ZRANB3: variants seen among roughly 807,000 people sequenced by gnomAD.
The protein encoded by ZRANB3 is zinc finger RANBP2-type containing 3.
A neutral mutation model predicts 133.8 loss-of-function variants in ZRANB3; 125 were observed. The observed-to-expected ratio is 0.93, with a 90% CI of 0.81 to 1.08. The LOEUF is 1.08. ZRANB3 is among the 50% of genes least tolerant of loss of function. ZRANB3 has a pLI of 0.00. For synonymous variants in ZRANB3, 387 were observed against 432.7 expected (o/e 0.89, Z 1.31); for missense variants, 1,229 against 1,275.5 (o/e 0.96, Z 0.56).
intron 2 of ZRANB3, among the ~76,000 whole-genome samples, chr2:135,448,016 G>C (rs577474650): frequency 6.6e-6 from 1 of 152,286 alleles, no homozygotes; most frequent in South Asian, 2.1e-4. Flanking sequence ...AGTTGCCATA[G>C]TTTTGCCTCC....
At chr2:135,419,226 C>G (rs987516361) in intron 2 of ZRANB3, among the ~76,000 whole-genome samples, 1 of 151,772 alleles carries the variant, frequency 6.6e-6, no homozygotes, top group Admixed American at 6.6e-5. Flanking sequence ...CCTGAGCCAC[C>G]GCACCTAGGC....
At chr2:135,525,476 G>T (rs972023413) in intron 1 of ZRANB3, among the ~76,000 whole-genome samples, 1 of 152,176 alleles carries the variant, frequency 6.6e-6, no homozygotes, top group African/African-American at 2.4e-5. Context: ...CATACAAAGA[G>T]AGTGCACATG....
At chr2:135,283,363 C>A (rs2104783834) in intron 8 of ZRANB3, among the ~76,000 whole-genome samples, 1 of 152,162 alleles carries the variant, frequency 6.6e-6, no homozygotes, top group Non-Finnish European at 1.5e-5. Flanking sequence ...GTAATCCCAG[C>A]ACTTTGGGAG....
intron 12 of ZRANB3, among the ~76,000 whole-genome samples, chr2:135,232,502 T>C (rs1399627854): frequency 6.6e-6 from 1 of 152,196 alleles, no homozygotes; most frequent in Admixed American, 6.5e-5. Context: ...CCTCCTTAAG[T>C]GGGTCCCTGA....
chr2:135,498,308 C>T (rs1692774782), intron 2 of ZRANB3, among the ~76,000 whole-genome samples: 1 of 152,116 alleles, frequency 6.6e-6, no homozygotes, highest in African/African-American at 2.4e-5. Flanking sequence ...GTGAAGATTT[C>T]ATGGACATTT....
intron 8 of ZRANB3, among the ~76,000 whole-genome samples, chr2:135,285,435 C>T (rs1681309125): frequency 6.6e-6 from 1 of 152,194 alleles, no homozygotes; most frequent in Non-Finnish European, 1.5e-5. Context: ...AACTACAGAA[C>T]TGGCACAAGA....
chr2:135,308,192 T>C (rs1682793854), intron 8 of ZRANB3, among the ~76,000 whole-genome samples: 1 of 152,142 alleles, frequency 6.6e-6, no homozygotes, highest in Non-Finnish European at 1.5e-5. Flanking sequence ...TAAAGGGGTC[T>C]CTGCCTCTAC....
chr2:135,527,748 G>C (rs761203544), intron 1 of ZRANB3, among the ~76,000 whole-genome samples: 60 of 152,106 alleles, frequency 3.9e-4, no homozygotes, highest in Non-Finnish European at 8.2e-4. Flanking sequence ...GCCCACTGTT[G>C]CAAGTTTTTT....
At position 135,435,175 on chromosome 2, in the gene ZRANB3, T is replaced by C. The variant is rs527552728; in HGVS notation, c.162-44355A>G. On this transcript the variant is annotated intron_variant, in intron 2 of 20. Transcript: ENST00000264159. ...CCCTTCGAGTAGACCCCAGTGTCGA[T>C]TGTTTCCCCTTCTTTGTGTTTATAA... Among the ~76,000 whole-genome samples the C allele has an allele frequency of 4.6e-4, 70 of 152,022 alleles. 1 individual carries two copies. In the South Asian group the frequency reaches 8.8e-3, roughly 19 times the overall value.
Position 135,207,462 on chromosome 2 carries a change from G to T in ZRANB3, c.2981C>A (p.Thr994Asn). ...KSQRKNLLYATWTSKLPLEQL... is the reference protein window; with the variant it reads ...KSQRKNLLYANWTSKLPLEQL... ...TTCTAATGGGAGCTTTGAAGTCCAG[G>T]TAGCATACAGAAGATTCTTCCTCTG... is the stretch of plus-strand genomic sequence containing the variant. Residue 994 changes from threonine to asparagine, a missense_variant, in exon 19 of 21, where the codon ACC becomes AAC. Coordinates refer to ENST00000264159, the MANE Select transcript of ZRANB3 (RefSeq NM_032143.4). 6.2e-7 allele frequency: 1 copy of T among 1,613,204 alleles called. No homozygotes were observed. The highest frequency in any genetic ancestry group is 8.5e-7 in the Non-Finnish European group (1 of 1,179,506).
chr2:135,476,632 C>T (rs182934685), intron 2 of ZRANB3, among the ~76,000 whole-genome samples: 1 of 151,822 alleles, frequency 6.6e-6, no homozygotes, highest in Non-Finnish European at 1.5e-5. Context: ...AAGTTACAAA[C>T]CTCAGTTGAG....
chr2:135,395,030 A>G (rs1208039046), intron 2 of ZRANB3, among the ~76,000 whole-genome samples: 1 of 152,110 alleles, frequency 6.6e-6, no homozygotes, highest in African/African-American at 2.4e-5. Context: ...TGGGACCACA[A>G]AAGACCCAGA....
At chr2:135,386,849 G>C (rs368996104) in intron 3 of ZRANB3, among the ~76,000 whole-genome samples, 1 of 152,026 alleles carries the variant, frequency 6.6e-6, no homozygotes, top group Non-Finnish European at 1.5e-5. Context: ...TCGGGGGTGG[G>C]GCCCTGGGGG....
chr2:135,207,591 CTG>C lies in ZRANB3; in HGVS notation c.2850_2851del (p.Asn950LysfsTer9). On this transcript the variant is annotated frameshift_variant, in exon 19 of 21. Coordinates refer to ENST00000264159, the MANE Select transcript of ZRANB3 (RefSeq NM_032143.4). LOFTEE classifies it high-confidence loss of function. ...TTCAAATACTTTGGCTCTCAGGTAA[CTG>C]TTATTAGATCGAATCCAAAACTCTT... The C allele has an allele frequency of 6.2e-7, 1 of 1,614,024 alleles. No individual in the cohort carries two copies. Among genetic ancestry groups the C allele is most frequent in the Non-Finnish European group, 8.5e-7 (1 of 1,179,888 alleles).
intron 12 of ZRANB3, among the ~76,000 whole-genome samples, chr2:135,263,798 CAG>C (rs764357188): frequency 6.7e-6 from 1 of 149,756 alleles, no homozygotes; most frequent in African/African-American, 2.5e-5. Context: ...TTTTTTTAGA[CAG>C]AGTCTCACTC....
chr2:135,328,911 A>AT (rs1433643042), intron 6 of ZRANB3, among the ~76,000 whole-genome samples: 1 of 150,386 alleles, frequency 6.6e-6, no homozygotes, highest in Admixed American at 6.6e-5. Context: ...GCTGGGGTTG[A>AT]TTTTTTCTTG....
At chr2:135,237,390 T>C (rs1251593161) in intron 12 of ZRANB3, among the ~76,000 whole-genome samples, 2 of 152,100 alleles carry the variant, frequency 1.3e-5, no homozygotes, top group East Asian at 3.9e-4. Context: ...TGGTGATTCC[T>C]CAGGGATGTA....
chr2:135,458,697 A>T (rs1338422683), intron 2 of ZRANB3, among the ~76,000 whole-genome samples: 2 of 152,058 alleles, frequency 1.3e-5, no homozygotes, highest in African/African-American at 2.4e-5. Flanking sequence ...AACAACAAAA[A>T]AGTTTATGAG....
At chr2:135,498,480 A>C (rs928421055) in intron 2 of ZRANB3, among the ~76,000 whole-genome samples, 10 of 152,232 alleles carry the variant, frequency 6.6e-5, no homozygotes, top group African/African-American at 2.4e-4. Flanking sequence ...TCGTAAGCTG[A>C]GGATGAATGT....
Sources: gnomAD v4.1 joint callset for allele counts (sites outside exome capture counted in the v4.1 genomes callset) on GRCh38, gnomAD v4.1.1 for gene constraint, MANE v1.5 for transcripts, NCBI Gene and HGNC (gene_info 2026-07-23, HGNC 2026-07-21) for gene names.